ATRNL1: variants seen among roughly 807,000 people sequenced by gnomAD.
ATRNL1 encodes the protein attractin like 1.
In ATRNL1, 95 loss-of-function variants were observed where a neutral mutation model predicts 182.7. That is an observed-to-expected ratio of 0.52 (90% CI 0.44 to 0.62). ATRNL1 has a LOEUF of 0.62. Ranked by LOEUF, ATRNL1 falls within the 20% of genes least tolerant of loss-of-function variation. The pLI is 0.00. For synonymous variants in ATRNL1, 576 were observed against 568.3 expected, an observed-to-expected ratio of 1.01 and a Z score of -0.19; for missense variants, 1,471 against 1,679.5, an observed-to-expected ratio of 0.88 and a Z score of 2.17.
chr10:115,273,600 T>C (rs1329826711), intron 13 of ATRNL1, among the ~76,000 whole-genome samples: 3 of 152,242 alleles, frequency 2.0e-5, no homozygotes, highest in Admixed American at 6.5e-5. Context: ...TGGAAAGATT[T>C]CCTTTCACTA....
chr10:115,642,943 G>A (rs1186299599), intron 26 of ATRNL1, among the ~76,000 whole-genome samples: 1 of 152,156 alleles, frequency 6.6e-6, no homozygotes, highest in African/African-American at 2.4e-5. Flanking sequence ...AATGTCTGGG[G>A]ACATTTTGCT....
At chr10:115,630,704 C>T (rs557865410) in intron 26 of ATRNL1, among the ~76,000 whole-genome samples, 18 of 145,380 alleles carry the variant, frequency 1.2e-4, no homozygotes, top group African/African-American at 3.5e-4. Flanking sequence ...TATATTATAT[C>T]CATATTGAAT....
intron 27 of ATRNL1, among the ~76,000 whole-genome samples, chr10:115,841,519 T>C (rs540377871): frequency 6.6e-6 from 1 of 152,244 alleles, no homozygotes; most frequent in East Asian, 1.9e-4. Context: ...CTTCAGAACC[T>C]CAAGTGCAGC....
intron 26 of ATRNL1, among the ~76,000 whole-genome samples, chr10:115,692,256 TG>T (rs1946417525): frequency 6.6e-6 from 1 of 152,212 alleles, no homozygotes. Flanking sequence ...AGGTGCCTGA[TG>T]GGACCCTATT....
chr10:115,503,928 G>A (rs1241775377), intron 24 of ATRNL1, among the ~76,000 whole-genome samples: 4 of 149,862 alleles, frequency 2.7e-5, no homozygotes, highest in Admixed American at 6.7e-5. Flanking sequence ...TTATTTCCTG[G>A]TTCCTTTTAC....
At chr10:115,747,533 C>T (rs1360373847) in intron 27 of ATRNL1, among the ~76,000 whole-genome samples, 1 of 151,974 alleles carries the variant, frequency 6.6e-6, no homozygotes, top group African/African-American at 2.4e-5. Flanking sequence ...GAATAGAACC[C>T]AAATACAGTA....
At chr10:115,268,132 C>A (rs2253505) in intron 12 of ATRNL1, among the ~76,000 whole-genome samples, 194 bp from the exon 13 acceptor site, 1 of 151,894 alleles carries the variant, frequency 6.6e-6, no homozygotes, top group Non-Finnish European at 1.5e-5. Flanking sequence ...TAAAAGGTCT[C>A]GAAAATCCTG....
intron 26 of ATRNL1, among the ~76,000 whole-genome samples, chr10:115,705,694 C>T (rs980874788): frequency 6.6e-6 from 1 of 151,840 alleles, no homozygotes; most frequent in African/African-American, 2.4e-5. Flanking sequence ...ATAAAATATG[C>T]ATGTCCTATA....
intron 26 of ATRNL1, among the ~76,000 whole-genome samples, chr10:115,559,434 G>GTC (rs1554998383): frequency 9.1e-6 from 1 of 110,414 alleles, no homozygotes; most frequent in East Asian, 3.9e-4. Context: ...GTGTGTGTGT[G>GTC]TGTGTGTGTG....
At chr10:115,536,999 T>C (rs1852067157) in intron 25 of ATRNL1, among the ~76,000 whole-genome samples, 1 of 152,146 alleles carries the variant, frequency 6.6e-6, no homozygotes. Context: ...TGATGATGGA[T>C]ATGGTAATGG....
chr10:115,150,176 A>G (rs1314692), intron 5 of ATRNL1, among the ~76,000 whole-genome samples: 92,413 of 151,644 alleles, frequency 0.61, 29,325 homozygotes, highest in Non-Finnish European at 0.72. Flanking sequence ...TATTTCTGTG[A>G]TATCAGTTGT....
rs185914535 is a variant in ATRNL1, at chr10:115,459,458, G to A, written c.3323-2483G>A. On this transcript the variant is annotated intron_variant, in intron 21 of 28. Transcript: ENST00000355044. ...GTCTCTGAACTGGCCCTCCTGGGGC[G>A]TACCTGTCTCTTATGGTTGAGATTG... is the stretch of plus-strand genomic sequence containing the variant. 5.5e-4 allele frequency among the ~76,000 whole-genome samples: 83 copies of A among 152,198 alleles called. 1 individual carries two copies. Among genetic ancestry groups the A allele is most frequent in the African/African-American group, 1.9e-3 (80 of 41,558 alleles).
chr10:115,649,757 A>G (rs1859865371), intron 26 of ATRNL1, among the ~76,000 whole-genome samples: 2 of 152,186 alleles, frequency 1.3e-5, no homozygotes, highest in Non-Finnish European at 2.9e-5. Flanking sequence ...AAGTGTCATA[A>G]TAACTTCAGG....
intron 27 of ATRNL1, among the ~76,000 whole-genome samples, chr10:115,836,925 C>A (rs1950687711): frequency 6.6e-6 from 1 of 152,046 alleles, no homozygotes; most frequent in Admixed American, 6.6e-5. Context: ...GCAGTGGGCG[C>A]CACCCAATGA....
At chr10:115,793,160 A>T (rs545244807) in intron 27 of ATRNL1, among the ~76,000 whole-genome samples, 26 of 152,190 alleles carry the variant, frequency 1.7e-4, no homozygotes, top group African/African-American at 6.3e-4. Context: ...TTGTTGCAAG[A>T]CTTCAATGAA....
chr10:115,610,059 A>G (rs1857075355), intron 26 of ATRNL1, among the ~76,000 whole-genome samples: 1 of 152,160 alleles, frequency 6.6e-6, no homozygotes, highest in South Asian at 2.1e-4. Context: ...TACTTTCTAA[A>G]ATAGACTTTC....
intron 28 of ATRNL1, among the ~76,000 whole-genome samples, chr10:115,934,901 G>A (rs993842671): frequency 6.6e-6 from 1 of 152,058 alleles, no homozygotes; most frequent in Admixed American, 6.6e-5. Flanking sequence ...TACAATGTAT[G>A]TCCTGAAGTT....
At chr10:115,213,563 C>G (rs1849111739) in intron 8 of ATRNL1, among the ~76,000 whole-genome samples, 1 of 152,094 alleles carries the variant, frequency 6.6e-6, no homozygotes, top group South Asian at 2.1e-4. Flanking sequence ...GCCAGTCTGC[C>G]TTCGTCTTTA....
intron 19 of ATRNL1, among the ~76,000 whole-genome samples, chr10:115,365,950 C>A (rs1433225346): frequency 2.6e-5 from 4 of 152,104 alleles, no homozygotes; most frequent in Non-Finnish European, 5.9e-5. Context: ...AGTATGTGGT[C>A]AATTTTAGAA....
Sources: allele counts gnomAD v4.1 joint callset (sites outside exome capture counted in the v4.1 genomes callset), GRCh38; gene constraint gnomAD v4.1.1; transcripts MANE v1.5; gene names NCBI Gene and HGNC (gene_info 2026-07-23, HGNC 2026-07-21).